CNTNAP2: variants seen among roughly 807,000 people sequenced by gnomAD.
The protein encoded by CNTNAP2 is contactin associated protein 2.
Under a neutral mutation model 155.2 loss-of-function variants are expected in CNTNAP2, and 98 were observed. That is an observed-to-expected ratio of 0.63 (90% CI 0.54 to 0.75). The LOEUF (loss-of-function observed/expected upper bound fraction) is 0.75, where lower values mean the gene tolerates loss of function less well. Among genes scored for constraint, CNTNAP2 ranks in the 30% least tolerant of loss-of-function variants. The probability of loss-of-function intolerance (pLI) is 0.00; values close to 1 mark genes in which losing one functional copy is unlikely to be tolerated. For missense variants in CNTNAP2, 1,727 were observed against 1,688.1 expected (o/e 1.02, Z -0.40); for synonymous variants, 651 against 631.2 (o/e 1.03, Z -0.47).
intron 18 of CNTNAP2, among the ~76,000 whole-genome samples, chr7:148,187,933 A>G (rs1230930706): frequency 6.6e-6 from 1 of 151,994 alleles, no homozygotes; most frequent in Non-Finnish European, 1.5e-5. Flanking sequence ...CCCTGCCCCA[A>G]CTTCACCCCC....
chr7:147,171,815 G>A (rs555594888), intron 8 of CNTNAP2, among the ~76,000 whole-genome samples: 5 of 150,786 alleles, frequency 3.3e-5, no homozygotes, highest in Non-Finnish European at 7.4e-5. Flanking sequence ...AGGAAACTGA[G>A]TCAGGCATTT....
intron 21 of CNTNAP2, among the ~76,000 whole-genome samples, chr7:148,275,227 A>G (rs555827658): frequency 1.0e-3 from 155 of 152,318 alleles, no homozygotes; most frequent in Non-Finnish European, 1.6e-3. Flanking sequence ...CAGTTTCTGG[A>G]AAAGAAGGTA....
intron 2 of CNTNAP2, among the ~76,000 whole-genome samples, chr7:146,817,483 A>T (rs1803196338): frequency 6.6e-6 from 1 of 152,028 alleles, no homozygotes; most frequent in South Asian, 2.1e-4. Flanking sequence ...AAAAAAAAAA[A>T]ATCTGAAACT....
chr7:148,172,756 T>C (rs1248680068), intron 18 of CNTNAP2, among the ~76,000 whole-genome samples: 2 of 152,178 alleles, frequency 1.3e-5, no homozygotes. Context: ...TCTCATTACA[T>C]CTTAATGGTG....
chr7:146,325,931 G>A (rs17170038), intron 1 of CNTNAP2, among the ~76,000 whole-genome samples: 6,331 of 152,188 alleles, frequency 0.042, 188 homozygotes, highest in Non-Finnish European at 0.065. Context: ...CACAAACTGA[G>A]CTTACTTTAC....
intron 1 of CNTNAP2, among the ~76,000 whole-genome samples, chr7:146,183,512 A>G (rs1422311409): frequency 6.6e-6 from 1 of 151,908 alleles, no homozygotes; most frequent in Admixed American, 6.6e-5. Context: ...AAGGCCATCC[A>G]ACTGTGACTA....
At chr7:147,658,011 C>T (rs1240327070) in intron 13 of CNTNAP2, among the ~76,000 whole-genome samples, 5 of 148,414 alleles carry the variant, frequency 3.4e-5, no homozygotes, top group African/African-American at 1.2e-4. Flanking sequence ...AATCCCAGCA[C>T]TTTGGGAGGC....
intron 13 of CNTNAP2, among the ~76,000 whole-genome samples, chr7:147,786,987 G>C (rs1050586919): frequency 1.3e-5 from 2 of 151,512 alleles, no homozygotes; most frequent in African/African-American, 2.4e-5. Context: ...AAAGAAGGGA[G>C]GGAGGGAGGA....
At chr7:146,578,697 T>C (rs1218011349) in intron 1 of CNTNAP2, among the ~76,000 whole-genome samples, 1 of 152,126 alleles carries the variant, frequency 6.6e-6, no homozygotes, top group East Asian at 1.9e-4. Flanking sequence ...AAATTAAAGA[T>C]TCAAAGAAGT....
At chr7:147,694,855 C>A (rs184793975) in intron 13 of CNTNAP2, among the ~76,000 whole-genome samples, 3 of 151,918 alleles carry the variant, frequency 2.0e-5, no homozygotes, top group Non-Finnish European at 2.9e-5. Context: ...ATTTTCATTA[C>A]TTTTTTTTCT....
chr7:147,722,776 C>G (rs575717250), intron 13 of CNTNAP2, among the ~76,000 whole-genome samples: 12 of 152,052 alleles, frequency 7.9e-5, no homozygotes, highest in Non-Finnish European at 1.6e-4. Context: ...AATTAAACTG[C>G]AACACCTGCT....
intron 1 of CNTNAP2, among the ~76,000 whole-genome samples, chr7:146,483,669 T>C (rs576168085): frequency 6.6e-6 from 1 of 151,618 alleles, no homozygotes; most frequent in Non-Finnish European, 1.5e-5. Flanking sequence ...TATGTCTTAT[T>C]TTTTACAAAA....
chr7:146,226,880 C>G (rs565057941), intron 1 of CNTNAP2, among the ~76,000 whole-genome samples: 1 of 152,038 alleles, frequency 6.6e-6, no homozygotes, highest in Non-Finnish European at 1.5e-5. Context: ...TTTTGTATTT[C>G]ATTTTTAAAA....
intron 19 of CNTNAP2, among the ~76,000 whole-genome samples, chr7:148,228,013 AT>A (rs990749678): frequency 6.8e-6 from 1 of 147,830 alleles, no homozygotes; most frequent in African/African-American, 2.5e-5. Context: ...ACTTTCTTTT[AT>A]TTTTTTTCTG....
chr7:147,512,152 G>C (rs1799034276), intron 11 of CNTNAP2, among the ~76,000 whole-genome samples: 1 of 151,988 alleles, frequency 6.6e-6, no homozygotes, highest in Non-Finnish European at 1.5e-5. Flanking sequence ...TCCTAAAATA[G>C]GGAGCTCTCC....
chr7:147,279,665 C>G (rs1481196399), intron 8 of CNTNAP2, among the ~76,000 whole-genome samples: 3 of 151,792 alleles, frequency 2.0e-5, no homozygotes, highest in African/African-American at 7.2e-5. Flanking sequence ...ATAAACCTAT[C>G]CCTAGATGAT....
At chr7:147,141,378 G>A (rs1419170785) in intron 8 of CNTNAP2, among the ~76,000 whole-genome samples, 1 of 152,000 alleles carries the variant, frequency 6.6e-6, no homozygotes, top group African/African-American at 2.4e-5. Context: ...TAGGGTATAG[G>A]CGTTATGAGC....
At chr7:146,350,114 T>C (rs1484378048) in intron 1 of CNTNAP2, among the ~76,000 whole-genome samples, 3 of 152,180 alleles carry the variant, frequency 2.0e-5, no homozygotes, top group East Asian at 1.9e-4. Flanking sequence ...ACCAATCAGA[T>C]GTAGATTTGG....
intron 15 of CNTNAP2, among the ~76,000 whole-genome samples, chr7:148,024,790 A>C (rs17170793): frequency 0.045 from 6,828 of 152,254 alleles, 282 homozygotes; most frequent in East Asian, 0.26. Flanking sequence ...GAAGTCCTTC[A>C]CAGGCAGCCA....
Sources: gnomAD v4.1 joint callset for allele counts (sites outside exome capture counted in the v4.1 genomes callset) on GRCh38, gnomAD v4.1.1 for gene constraint, MANE v1.5 for transcripts, NCBI Gene and HGNC (gene_info 2026-07-23, HGNC 2026-07-21) for gene names.